Variants in PCDHA6 observed in about 807,000 individuals in gnomAD.
PCDHA6 encodes the protein protocadherin alpha 6.
A neutral mutation model predicts 60.3 loss-of-function variants in PCDHA6; 55 were observed. The ratio of observed to expected loss-of-function variants is 0.91; its 90% CI spans 0.73 to 1.14. The LOEUF (loss-of-function observed/expected upper bound fraction) is 1.14. Among genes scored for constraint, PCDHA6 ranks in the 50% most tolerant of loss-of-function variants. The pLI, the probability that PCDHA6 is intolerant of heterozygous loss-of-function variation, is 0.00. For missense variants in PCDHA6, 1,327 were observed against 1,256.5 expected (o/e 1.06, Z -0.85); for synonymous variants, 652 against 557.9 (o/e 1.17, Z -2.38).
intron 1 of PCDHA6, chr5:140,847,797 C>A (rs192930610): frequency 1.3e-5 from 2 of 149,780 alleles, no homozygotes; most frequent in African/African-American, 2.4e-5. Flanking sequence ...ATATTTTATA[C>A]CTTTTCAATT....
intron 1 of PCDHA6, among the ~76,000 whole-genome samples, chr5:140,915,626 G>GTTTCTC (rs149393620): frequency 6.8e-6 from 1 of 146,436 alleles, no homozygotes; most frequent in African/African-American, 2.5e-5. Context: ...GTCTCTTTCT[G>GTTTCTC]TCTCTCTCTC....
In PCDHA6 at chr5:141,010,171, A is replaced by G. The variant is rs2098416277; in HGVS notation, c.*234A>G. On this transcript the variant is annotated 3_prime_UTR_variant, in exon 4 of 4. Transcript: ENST00000529310. ...CCACTCTGGCTTGTTTTCAGAACCTAAAAAGCAGACCCAAGTTTCCTTTCT... is the reference window on the plus strand; with the variant it reads ...CCACTCTGGCTTGTTTTCAGAACCTGAAAAGCAGACCCAAGTTTCCTTTCT... The G allele has an allele frequency of 3.2e-6, 5 of 1,559,030 alleles. No individual in the cohort carries two copies. Among genetic ancestry groups the G allele is most frequent in the Non-Finnish European group, 4.3e-6 (5 of 1,150,704 alleles).
intron 1 of PCDHA6, among the ~76,000 whole-genome samples, chr5:140,944,779 T>C (rs1022054674): frequency 6.6e-6 from 1 of 152,228 alleles, no homozygotes; most frequent in African/African-American, 2.4e-5. Flanking sequence ...CCTCCTGTTA[T>C]TGTATTTTAC....
chr5:140,869,809 A>G, intron 1 of PCDHA6: 15 of 1,612,564 alleles, frequency 9.3e-6, no homozygotes, highest in Non-Finnish European at 1.3e-5. Flanking sequence ...CTTGGATGTC[A>G]ACGACAATGA....
At chr5:140,871,940 T>C (rs1554165964) in intron 1 of PCDHA6, among the ~76,000 whole-genome samples, 1 of 152,226 alleles carries the variant, frequency 6.6e-6, no homozygotes, top group Non-Finnish European at 1.5e-5. Flanking sequence ...TCAACTGGCT[T>C]TGTTTTTCTA....
At chr5:140,965,238 A>T (rs540671197) in intron 1 of PCDHA6, among the ~76,000 whole-genome samples, 1 of 152,314 alleles carries the variant, frequency 6.6e-6, no homozygotes, top group African/African-American at 2.4e-5. Flanking sequence ...ACCTGGGAAG[A>T]GTGAATATTC....
intron 3 of PCDHA6, among the ~76,000 whole-genome samples, chr5:140,985,145 G>A (rs2097138679): frequency 6.6e-6 from 1 of 152,080 alleles, no homozygotes; most frequent in South Asian, 2.1e-4. Context: ...CACCGTGTTA[G>A]CCAGGATTGT....
At chr5:140,968,097 G>A in intron 1 of PCDHA6, 1 of 1,614,112 alleles carries the variant, frequency 6.2e-7, no homozygotes, top group Non-Finnish European at 8.5e-7. Flanking sequence ...GCCACAGATG[G>A]GGGAATACCG....
intron 1 of PCDHA6, chr5:140,861,426 T>A (rs1451953787): frequency 2.1e-6 from 1 of 485,412 alleles, no homozygotes; most frequent in Non-Finnish European, 4.2e-6. Context: ...CCTGTTTCAG[T>A]TGGATTCCAA....
intron 1 of PCDHA6, chr5:140,877,218 G>A: frequency 6.2e-7 from 1 of 1,613,726 alleles, no homozygotes; most frequent in Non-Finnish European, 8.5e-7. Context: ...AGTTGGTACC[G>A]CGGTCGGTGG....
intron 1 of PCDHA6, chr5:140,968,969 A>G (rs1554231287): frequency 1.9e-6 from 3 of 1,614,230 alleles, no homozygotes; most frequent in Non-Finnish European, 2.5e-6. Context: ...CTACCGCTAC[A>G]CTGCGTATGG....
chr5:141,009,239 G>T (rs1416549332), intron 3 of PCDHA6, among the ~76,000 whole-genome samples: 2 of 152,186 alleles, frequency 1.3e-5, no homozygotes, highest in Admixed American at 1.3e-4. Context: ...AGGATCTCTT[G>T]AGCTTCAGTG....
At chr5:140,972,660 A>ATTTTTTTTTTTTTTTTTTTTTTTTTT (rs11350929) in intron 1 of PCDHA6, among the ~76,000 whole-genome samples, 1 of 117,268 alleles carries the variant, frequency 8.5e-6, no homozygotes, top group Non-Finnish European at 1.7e-5. Context: ...AAGAAACCAA[A>ATTTTTTTTTTTTTTTTTTTTTTTTTT]TTTTTTTTTT....
intron 1 of PCDHA6, among the ~76,000 whole-genome samples, chr5:140,973,841 G>A (rs2096604649): frequency 6.6e-6 from 1 of 152,188 alleles, no homozygotes; most frequent in Admixed American, 6.5e-5. Context: ...CTTGCTTGTT[G>A]CCTACCAATT....
At chr5:140,842,510 C>T in intron 1 of PCDHA6, 1 of 1,613,738 alleles carries the variant, frequency 6.2e-7, no homozygotes. Flanking sequence ...CCCCTTCAAG[C>T]TGGTGTCCAC....
Position 140,949,482 on chromosome 5 carries a change from A to G in PCDHA6, c.2395-29467A>G, listed in dbSNP as rs1435722195. Among the ~76,000 whole-genome samples, 4 of 151,834 alleles carry G rather than the reference A, an allele frequency of 2.6e-5. No homozygotes were observed. The South Asian group carries it at 8.3e-4, about 31-fold the overall frequency. ...TGAAGCCCTGTTATTAGGCACACACATTGATGATTATTATAATTTCCTGAT... is the reference window on the plus strand; with the variant it reads ...TGAAGCCCTGTTATTAGGCACACACGTTGATGATTATTATAATTTCCTGAT... On this transcript the variant is annotated intron_variant, in intron 1 of 3. Transcript: ENST00000529310.
At chr5:140,924,318 G>A (rs550515387) in intron 1 of PCDHA6, among the ~76,000 whole-genome samples, 1 of 152,164 alleles carries the variant, frequency 6.6e-6, no homozygotes, top group East Asian at 1.9e-4. Context: ...AATTTTATCT[G>A]AGACTTGGTG....
intron 1 of PCDHA6, among the ~76,000 whole-genome samples, chr5:140,899,694 T>G (rs961067519): frequency 2.0e-5 from 3 of 152,236 alleles, no homozygotes; most frequent in African/African-American, 4.8e-5. Flanking sequence ...GCTGGCCTCA[T>G]AAAATGAGTT....
At chr5:140,995,819 C>T (rs1045622508) in intron 3 of PCDHA6, among the ~76,000 whole-genome samples, 1 of 152,088 alleles carries the variant, frequency 6.6e-6, no homozygotes, top group African/African-American at 2.4e-5. Flanking sequence ...AGGGAGATAG[C>T]CTGGCATTGC....
Sources: gnomAD v4.1 joint callset for allele counts (sites outside exome capture counted in the v4.1 genomes callset) on GRCh38, gnomAD v4.1.1 for gene constraint, MANE v1.5 for transcripts, NCBI Gene and HGNC (gene_info 2026-07-23, HGNC 2026-07-21) for gene names.